Variants in RUNDC3B observed in about 807,000 individuals in gnomAD.
RUNDC3B encodes RUN domain containing 3B.
In RUNDC3B, 33 loss-of-function variants were observed where a neutral mutation model predicts 58.4. That is an observed-to-expected ratio of 0.56 (90% confidence interval 0.43 to 0.75). RUNDC3B has a LOEUF of 0.75. Ranked by LOEUF, RUNDC3B falls within the 30% of genes least tolerant of loss-of-function variation. The pLI, the probability that RUNDC3B is intolerant of heterozygous loss-of-function variation, is 0.00. For synonymous variants in RUNDC3B, 193 were observed against 195.2 expected (o/e 0.99, Z 0.10); for missense variants, 501 against 535.7 (o/e 0.94, Z 0.64).
At chr7:87,816,613 ACTT>A (rs970590028) in intron 10 of RUNDC3B, among the ~76,000 whole-genome samples, 51 of 152,222 alleles carry the variant, frequency 3.4e-4, no homozygotes, top group African/African-American at 1.2e-3. Context: ...ATTCCATTAA[ACTT>A]CTCAGCAGCT....
chr7:87,681,974 A>G (rs528599178), intron 2 of RUNDC3B, among the ~76,000 whole-genome samples: 5 of 152,356 alleles, frequency 3.3e-5, no homozygotes, highest in African/African-American at 1.2e-4. Context: ...ATTGGAGTCA[A>G]TACTCTCAAA....
chr7:87,680,421 T>G (rs1469401930), intron 2 of RUNDC3B, among the ~76,000 whole-genome samples: 1 of 150,816 alleles, frequency 6.6e-6, no homozygotes, highest in African/African-American at 2.5e-5. Flanking sequence ...AAGCAGCACT[T>G]AGAAGGAAAT....
chr7:87,705,786 A>G (rs868150178), intron 3 of RUNDC3B, among the ~76,000 whole-genome samples: 1 of 152,142 alleles, frequency 6.6e-6, no homozygotes, highest in Non-Finnish European at 1.5e-5. Context: ...TCTTATAAAC[A>G]TATTATATGA....
chr7:87,769,688 A>G (rs186264984), intron 6 of RUNDC3B, among the ~76,000 whole-genome samples: 2 of 151,822 alleles, frequency 1.3e-5, no homozygotes, highest in African/African-American at 4.8e-5. Flanking sequence ...CAGAACGTGC[A>G]GGTTTGTTAC....
chr7:87,771,004 G>T (rs971848242), intron 7 of RUNDC3B, among the ~76,000 whole-genome samples: 12 of 152,088 alleles, frequency 7.9e-5, no homozygotes, highest in Non-Finnish European at 1.5e-4. Flanking sequence ...ATGTATTTGA[G>T]ATTTTAGTTT....
chr7:87,809,983 TAATA>T (rs1484951598), intron 9 of RUNDC3B, among the ~76,000 whole-genome samples: 1 of 152,190 alleles, frequency 6.6e-6, no homozygotes, highest in South Asian at 2.1e-4. Flanking sequence ...AAAACCTTTT[TAATA>T]AGGAACATTA....
Position 87,794,116 on chromosome 7 carries a change from A to G in RUNDC3B, c.957-13257A>G, listed in dbSNP as rs138177504. Among the ~76,000 whole-genome samples the G allele has an allele frequency of 1.7e-3, 264 of 152,234 alleles. 1 individual carries two copies. The highest frequency in any genetic ancestry group is 6.2e-3 in the African/African-American group (256 of 41,558). ...TAAATTAAATACCTAGGAATTACTC[A>G]AGGAAGTGAAAGTTCTCTACAATAA... On this transcript the variant is annotated intron_variant, in intron 8 of 10. Transcript: ENST00000394654.
chr7:87,661,279 TTTAG>T (rs960753350), intron 2 of RUNDC3B, among the ~76,000 whole-genome samples: 11 of 151,884 alleles, frequency 7.2e-5, no homozygotes, highest in African/African-American at 2.4e-4. Flanking sequence ...ATTATACTCT[TTTAG>T]TTATTTTTAA....
rs1020326956 is a variant in RUNDC3B at position 87,830,696 on chromosome 7, G to A, written c.*666G>A. ...AGTGCCACAAGGAAAATATTTTACAGTATTTTATGCCATTTAGGCAAAATG... is the reference window on the plus strand; with the variant it reads ...AGTGCCACAAGGAAAATATTTTACAATATTTTATGCCATTTAGGCAAAATG... On this transcript the variant is annotated 3_prime_UTR_variant, in exon 11 of 11. Coordinates refer to ENST00000394654, the MANE Select transcript of RUNDC3B (RefSeq NM_001134405.2). 13 of 151,314 alleles carry A rather than the reference G, an allele frequency of 8.6e-5. No homozygotes were observed. The highest frequency in any genetic ancestry group is 3.2e-4 in the African/African-American group (13 of 41,196). The allele number at this position is 151,314 out of a possible 1,614,324, so 9.4% of individuals were successfully genotyped here.
intron 4 of RUNDC3B, among the ~76,000 whole-genome samples, chr7:87,726,175 G>A (rs922080660): frequency 2.0e-5 from 3 of 152,192 alleles, no homozygotes; most frequent in African/African-American, 7.2e-5. Context: ...CCATGCCTAT[G>A]TCCTGAATGG....
chr7:87,641,610 G>A (rs1260958119), intron 1 of RUNDC3B, among the ~76,000 whole-genome samples: 3 of 152,192 alleles, frequency 2.0e-5, no homozygotes, highest in Admixed American at 6.5e-5. Flanking sequence ...AGCTGTGAAT[G>A]TGCACTAAAT....
intron 4 of RUNDC3B, among the ~76,000 whole-genome samples, chr7:87,737,501 C>G (rs962912763): frequency 6.6e-6 from 1 of 152,136 alleles, no homozygotes; most frequent in African/African-American, 2.4e-5. Flanking sequence ...GCTTCTACCT[C>G]TTTCATACAC....
At chr7:87,729,355 C>G (rs1831442955) in intron 4 of RUNDC3B, among the ~76,000 whole-genome samples, 1 of 152,190 alleles carries the variant, frequency 6.6e-6, no homozygotes, top group African/African-American at 2.4e-5. Context: ...TCTTGAATCA[C>G]CTACACCAGC....
intron 10 of RUNDC3B, among the ~76,000 whole-genome samples, chr7:87,819,644 A>C (rs1377439753): frequency 6.6e-6 from 1 of 151,450 alleles, no homozygotes; most frequent in South Asian, 2.1e-4. Flanking sequence ...GAAGTAAAGC[A>C]CTCCTCAGCA....
At chr7:87,652,694 A>G (rs1484309087) in intron 2 of RUNDC3B, among the ~76,000 whole-genome samples, 2 of 149,592 alleles carry the variant, frequency 1.3e-5, no homozygotes, top group African/African-American at 5.0e-5. Flanking sequence ...GGTATTTTAA[A>G]GATCCAAGCA....
At chr7:87,647,970 G>T (rs1415971576) in intron 1 of RUNDC3B, among the ~76,000 whole-genome samples, 5 of 152,024 alleles carry the variant, frequency 3.3e-5, no homozygotes, top group Admixed American at 3.3e-4. Flanking sequence ...GGATCATGAG[G>T]TCAAGAAATC....
chr7:87,706,650 A>C (rs1829618156), intron 3 of RUNDC3B, among the ~76,000 whole-genome samples: 1 of 152,216 alleles, frequency 6.6e-6, no homozygotes. Flanking sequence ...CTTTAGCCTA[A>C]AGTTGTTTGT....
At chr7:87,788,883 CAT>C (rs2130902953) in intron 8 of RUNDC3B, among the ~76,000 whole-genome samples, 1 of 152,124 alleles carries the variant, frequency 6.6e-6, no homozygotes, top group South Asian at 2.1e-4. Flanking sequence ...TTTCAGTAAA[CAT>C]ATATTTAAAT....
chr7:87,770,962 A>G (rs969832317), intron 7 of RUNDC3B, among the ~76,000 whole-genome samples: 1 of 152,234 alleles, frequency 6.6e-6, no homozygotes, highest in Non-Finnish European at 1.5e-5. Context: ...TAACATAAAA[A>G]CAAGCCATTA....
Sources: gnomAD v4.1 joint callset for allele counts (sites outside exome capture counted in the v4.1 genomes callset) on GRCh38, gnomAD v4.1.1 for gene constraint, MANE v1.5 for transcripts, NCBI Gene and HGNC (gene_info 2026-07-23, HGNC 2026-07-21) for gene names.